The following CAPN9 variants were observed in gnomAD, a reference collection of about 807,000 sequenced individuals.
The protein encoded by CAPN9 is calpain 9.
In CAPN9, 81 loss-of-function variants were observed where a neutral mutation model predicts 92.8. The observed-to-expected ratio is 0.87, with a 90% CI of 0.73 to 1.05. The LOEUF (loss-of-function observed/expected upper bound fraction) is 1.05. Among genes scored for constraint, CAPN9 ranks in the 50% least tolerant of loss-of-function variants. CAPN9 has a pLI of 0.00. For missense variants in CAPN9, 848 were observed against 866.2 expected (o/e 0.98, Z 0.26); for synonymous variants, 304 against 328.0 (o/e 0.93, Z 0.79).
chr1:230,792,618 A>G (rs1668077015), intron 16 of CAPN9, 124 bp downstream of exon 16: 10 of 824,132 alleles, frequency 1.2e-5, no homozygotes, highest in Middle Eastern at 2.6e-4. Context: ...ACAGGGGAGA[A>G]GGGAAAACAG....
chr1:230,789,328 C>A (rs116469385), intron 13 of CAPN9, among the ~76,000 whole-genome samples: 4 of 152,168 alleles, frequency 2.6e-5, no homozygotes, highest in Non-Finnish European at 5.9e-5. Context: ...AAATAATCAG[C>A]CCAGCATGGT....
At chr1:230,748,617 T>C (rs6541330) in intron 1 of CAPN9, among the ~76,000 whole-genome samples, 62,433 of 152,022 alleles carry the variant, frequency 0.41, 12,902 homozygotes, top group African/African-American at 0.43. Flanking sequence ...TAATGGCTAA[T>C]GCAGGCCAAT....
chr1:230,781,579 T>G (rs1460943663), intron 11 of CAPN9, among the ~76,000 whole-genome samples: 8 of 152,238 alleles, frequency 5.3e-5, no homozygotes. Context: ...TACTGCCCAT[T>G]CACCATTGGT....
intron 1 of CAPN9, among the ~76,000 whole-genome samples, chr1:230,751,065 T>TC (rs1223130251): frequency 7.9e-5 from 12 of 151,758 alleles, no homozygotes; most frequent in African/African-American, 1.5e-4. Context: ...GCCAGGCAAT[T>TC]CCCCCCCACC....
intron 1 of CAPN9, among the ~76,000 whole-genome samples, chr1:230,751,773 C>G (rs1664858903): frequency 6.8e-6 from 1 of 148,000 alleles, no homozygotes; most frequent in African/African-American, 2.5e-5. Flanking sequence ...ACAAGGTAAA[C>G]AGAACAGTCC....
In CAPN9 at chr1:230,790,129, C is replaced by T. The variant is rs1401895082; in HGVS notation, c.1600-3C>T. On this transcript the variant is annotated splice_polypyrimidine_tract_variant and splice_region_variant and intron_variant, in intron 13 of 19. Coordinates refer to ENST00000271971, the MANE Select transcript of CAPN9 (RefSeq NM_006615.3). ...TAACAAACAATTGTCTCCACTTCAA[C>T]AGGACATGGAGGTGACAGCAGAGGA... 6.2e-7 allele frequency: 1 copy of T among 1,611,344 alleles called. No individual in the cohort carries two copies. Among genetic ancestry groups the T allele is most frequent in the Admixed American group, 1.7e-5 (1 of 60,024 alleles).
rs550346440 is a variant in CAPN9 at position 230,773,612 on chromosome 1, T to G, written c.876-942T>G. ...ACTTCGCTGTGCTGCTGGTGACATG[T>G]GAGTAGGGTTGAAGGCACCGCATGG... On this transcript the variant is annotated intron_variant, in intron 7 of 19. Coordinates refer to ENST00000271971, the MANE Select transcript of CAPN9 (RefSeq NM_006615.3). 1.1e-3 allele frequency among the ~76,000 whole-genome samples: 164 copies of G among 152,266 alleles called. 1 individual carries two copies. Among genetic ancestry groups the G allele is most frequent in the African/African-American group, 3.3e-3 (136 of 41,556 alleles).
intron 8 of CAPN9, chr1:230,776,713 G>A (rs577477920): frequency 3.3e-5 from 5 of 152,224 alleles, no homozygotes; most frequent in Non-Finnish European, 7.3e-5. Flanking sequence ...GCCTTCTATT[G>A]TGTGGCTCTG....
Position 230,762,773 on chromosome 1 carries a change from A to G in CAPN9, c.523A>G (p.Lys175Glu), listed in dbSNP as rs752559809. Residue 175 changes from lysine (K) to glutamate (E), a missense_variant, in exon 4 of 20, where the codon AAA becomes GAA. By Grantham distance (56) the Lys-to-Glu change is moderately conservative (BLOSUM62 1). Transcript: ENST00000271971. ...CGAGTTCTGGAGCGCCTTGCTGGAA[A>G]AAGCCTACGCCAAGTGAGTGACAGC... ...HNEFWSALLE[K>E]AYAKLNGSYE... is the part of the protein sequence containing the mutation. 1 of 1,614,030 alleles carries G rather than the reference A, an allele frequency of 6.2e-7. No individual in the cohort carries two copies. The highest frequency in any genetic ancestry group is 8.5e-7 in the Non-Finnish European group (1 of 1,179,962).
At chr1:230,800,638 T>G (rs1668673803) in intron 19 of CAPN9, among the ~76,000 whole-genome samples, 1 of 152,132 alleles carries the variant, frequency 6.6e-6, no homozygotes, top group African/African-American at 2.4e-5. Context: ...ACCATTGCAT[T>G]CTCTCCCTCT....
chr1:230,748,464 G>C (rs1223754254), intron 1 of CAPN9, among the ~76,000 whole-genome samples: 1 of 152,170 alleles, frequency 6.6e-6, no homozygotes, highest in African/African-American at 2.4e-5. Context: ...TTGCTTTTGG[G>C]CAAGGAGGGG....
rs28359746 is a variant in CAPN9, at chr1:230,800,436, G to T, written c.2047-1134G>T. Among the ~76,000 whole-genome samples the T allele has an allele frequency of 2.9e-3, 441 of 152,180 alleles. 2 individuals are homozygous for T. The highest frequency in any genetic ancestry group is 0.015 in the South Asian group (70 of 4,808). On this transcript the variant is annotated intron_variant, in intron 19 of 19. Coordinates refer to ENST00000271971, the MANE Select transcript of CAPN9 (RefSeq NM_006615.3). ...TGGTCCATGGTGGAAGGAGACAGTG[G>T]GAAGGTTTGTTACTCAGCGGCCCCC...
chr1:230,764,588 A>T lies in CAPN9; in HGVS notation c.536+1802A>T, dbSNP rs369870606. On this transcript the variant is annotated intron_variant, in intron 4 of 19. Transcript: ENST00000271971. ...GGAGAGAAAGGTGCTGACCTAAGTA[A>T]CTTTGGAAATCAGTGGAGTCTGTAA... is the stretch of plus-strand genomic sequence containing the variant. Among the ~76,000 whole-genome samples the T allele has an allele frequency of 7.9e-5, 12 of 152,388 alleles. No individual in the cohort carries two copies. In the South Asian group the frequency reaches 2.5e-3, roughly 32 times the overall value.
At chr1:230,778,250 T>A (rs76513156) in intron 8 of CAPN9, among the ~76,000 whole-genome samples, 8,396 of 152,186 alleles carry the variant, frequency 0.055, 272 homozygotes, top group South Asian at 0.13. Context: ...TTGGAATGTG[T>A]CTCAAATCTG....
chr1:230,793,360 C>A (rs773586436), intron 17 of CAPN9, among the ~76,000 whole-genome samples: 4 of 152,208 alleles, frequency 2.6e-5, no homozygotes, highest in Admixed American at 2.6e-4. Context: ...GGGGTCCGCA[C>A]GTCCCTCTGC....
chr1:230,758,890 C>CAGCACAGAT (rs1665430500), intron 2 of CAPN9, among the ~76,000 whole-genome samples: 3 of 152,206 alleles, frequency 2.0e-5, no homozygotes, highest in Admixed American at 2.0e-4. Flanking sequence ...GAGTCTGGAA[C>CAGCACAGAT]AGCACAGATA....
At chr1:230,778,283 A>G (rs746698486) in intron 8 of CAPN9, among the ~76,000 whole-genome samples, 4 of 152,004 alleles carry the variant, frequency 2.6e-5, no homozygotes, top group Admixed American at 6.5e-5. Flanking sequence ...CACCTCCCAT[A>G]CCATCAGCCT....
chr1:230,755,111 G>A (rs546914728), intron 1 of CAPN9, among the ~76,000 whole-genome samples: 52 of 152,314 alleles, frequency 3.4e-4, no homozygotes, highest in East Asian at 7.7e-4. Flanking sequence ...CAGCTCAGGA[G>A]GCAGGACCTC....
chr1:230,767,152 C>T (rs562116819), intron 4 of CAPN9, among the ~76,000 whole-genome samples: 1 of 152,150 alleles, frequency 6.6e-6, no homozygotes, highest in Non-Finnish European at 1.5e-5. Flanking sequence ...GAGTGAGACA[C>T]ACGATTTGAA....
Sources: gnomAD v4.1 joint callset for allele counts (sites outside exome capture counted in the v4.1 genomes callset) on GRCh38, gnomAD v4.1.1 for gene constraint, MANE v1.5 for transcripts, NCBI Gene and HGNC (gene_info 2026-07-23, HGNC 2026-07-21) for gene names.